The following SPATA6 variants were observed in gnomAD, a reference collection of about 807,000 sequenced individuals.
SPATA6 encodes spermatogenesis associated 6, also known as spermatogenesis-associated protein 6.
SPATA6 carries 56 observed loss-of-function variants against 65.3 expected under a neutral mutation model. The ratio of observed to expected loss-of-function variants is 0.86; its 90% CI spans 0.69 to 1.07. The LOEUF (loss-of-function observed/expected upper bound fraction) is 1.07, where lower values mean the gene tolerates loss of function less well. Ranked by LOEUF, SPATA6 falls within the 50% of genes least tolerant of loss-of-function variation. The pLI is 0.00. For synonymous variants in SPATA6, 199 were observed against 213.2 expected, an observed-to-expected ratio of 0.93 and a Z score of 0.58; for missense variants, 590 against 594.8, an observed-to-expected ratio of 0.99 and a Z score of 0.08.
At chr1:48,359,970 A>G (rs1417390968) in intron 9 of SPATA6, among the ~76,000 whole-genome samples, 200 bp from the exon 10 acceptor site, 1 of 152,172 alleles carries the variant, frequency 6.6e-6, no homozygotes, top group Non-Finnish European at 1.5e-5. Flanking sequence ...ATTAAATATT[A>G]AATGTATCAA....
At chr1:48,355,110 CT>C (rs1646621826) in intron 11 of SPATA6, among the ~76,000 whole-genome samples, 1 of 152,038 alleles carries the variant, frequency 6.6e-6, no homozygotes, top group South Asian at 2.1e-4. Context: ...TAAAAAAGTA[CT>C]GTCATTATTT....
intron 11 of SPATA6, among the ~76,000 whole-genome samples, chr1:48,336,965 T>C (rs1466172198): frequency 6.6e-6 from 1 of 151,896 alleles, no homozygotes. Context: ...CCCACAAAAA[T>C]AGGCTTGTTC....
At position 48,301,337 on chromosome 1, in the gene SPATA6, A is replaced by AT. The variant is rs557967045; in HGVS notation, c.1287-2445dup. Among the ~76,000 whole-genome samples the AT allele has an allele frequency of 1.4e-3, 211 of 152,142 alleles. 1 individual carries two copies. The highest frequency in any genetic ancestry group is 4.8e-3 in the African/African-American group (201 of 41,556). On this transcript the variant is annotated intron_variant, in intron 12 of 12. Transcript: ENST00000371847. ...GTGAAAGACTGCTATGACAAAAACT[A>AT]TAAAACACTGATGAAAGAAACTGGA...
At chr1:48,410,352 A>G (rs1652099549) in intron 5 of SPATA6, among the ~76,000 whole-genome samples, 1 of 152,178 alleles carries the variant, frequency 6.6e-6, no homozygotes, top group African/African-American at 2.4e-5. Flanking sequence ...CTATATCACT[A>G]ACAGCATTAT....
chr1:48,436,577 C>T (rs1654957367), intron 3 of SPATA6: 2 of 1,612,854 alleles, frequency 1.2e-6, no homozygotes, highest in African/African-American at 2.7e-5. Context: ...TCTGGCCTGT[C>T]CCATCTGCAT....
chr1:48,311,117 AAAG>A (rs1281938364), intron 11 of SPATA6, among the ~76,000 whole-genome samples: 2 of 152,144 alleles, frequency 1.3e-5, no homozygotes, highest in South Asian at 2.1e-4. Flanking sequence ...CTACATGAAA[AAAG>A]AAGACCTCAA....
At chr1:48,312,709 C>T (rs553818270) in intron 11 of SPATA6, among the ~76,000 whole-genome samples, 28 of 151,922 alleles carry the variant, frequency 1.8e-4, no homozygotes, top group African/African-American at 5.5e-4. Flanking sequence ...ATGAATTTGA[C>T]GAGTTGAGAG....
intron 7 of SPATA6, among the ~76,000 whole-genome samples, chr1:48,396,139 A>G (rs1187942731): frequency 2.0e-5 from 3 of 151,838 alleles, no homozygotes; most frequent in African/African-American, 7.2e-5. Context: ...GGAGACAGAA[A>G]TCAAAATCAT....
intron 3 of SPATA6, among the ~76,000 whole-genome samples, chr1:48,426,855 A>G (rs542717682): frequency 6.6e-6 from 1 of 152,260 alleles, no homozygotes; most frequent in Non-Finnish European, 1.5e-5. Context: ...ACATTAATCA[A>G]AATTAGAAAA....
At chr1:48,273,266 T>A in the SPATA6 span, among the ~76,000 whole-genome samples, 1 of 152,288 alleles carries the variant, frequency 6.6e-6, no homozygotes. Context: ...AGTCAATCCA[T>A]TTTGAGTTGA....
chr1:48,329,292 G>A (rs1270452405), intron 11 of SPATA6, among the ~76,000 whole-genome samples: 4 of 152,034 alleles, frequency 2.6e-5, no homozygotes, highest in Non-Finnish European at 5.9e-5. Flanking sequence ...TGGCGTAGAG[G>A]GAAAATTACA....
At chr1:48,359,217 A>G (rs2148815912) in intron 10 of SPATA6, among the ~76,000 whole-genome samples, 1 of 152,306 alleles carries the variant, frequency 6.6e-6, no homozygotes, top group Non-Finnish European at 1.5e-5. Context: ...ATATATAGAT[A>G]GCCATTATGA....
chr1:48,368,228 A>G (rs140381746), intron 9 of SPATA6, among the ~76,000 whole-genome samples: 157 of 152,034 alleles, frequency 1.0e-3, no homozygotes, highest in African/African-American at 3.7e-3. Flanking sequence ...TGCCCTTAAC[A>G]TTTTGCCTTC....
At chr1:48,360,062 C>T (rs1646767645) in intron 9 of SPATA6, among the ~76,000 whole-genome samples, 1 of 152,074 alleles carries the variant, frequency 6.6e-6, no homozygotes, top group Non-Finnish European at 1.5e-5. Context: ...ATGTGTGTAT[C>T]TAAAACAAAG....
intron 11 of SPATA6, among the ~76,000 whole-genome samples, chr1:48,326,821 C>G (rs1645775822): frequency 6.6e-6 from 1 of 152,018 alleles, no homozygotes; most frequent in African/African-American, 2.4e-5. Flanking sequence ...AAACTCGGAC[C>G]CTTATCTCTC....
chr1:48,409,266 T>G (rs1651990518), intron 5 of SPATA6, among the ~76,000 whole-genome samples: 1 of 152,208 alleles, frequency 6.6e-6, no homozygotes. Flanking sequence ...CAATCAAATC[T>G]TAAAGCTCCA....
the SPATA6 span, among the ~76,000 whole-genome samples, chr1:48,289,701 A>C: frequency 6.6e-6 from 1 of 152,250 alleles, no homozygotes; most frequent in African/African-American, 2.4e-5. Context: ...TACTTGATGC[A>C]TGCACAAGCT....
At chr1:48,326,205 A>G (rs928055734) in intron 11 of SPATA6, 9 of 152,412 alleles carry the variant, frequency 5.9e-5, no homozygotes, top group Non-Finnish European at 1.2e-4. Context: ...TTACATTTCT[A>G]TTAACCAGTA....
chr1:48,387,444 C>T (rs1017199495), intron 8 of SPATA6, among the ~76,000 whole-genome samples: 2 of 152,188 alleles, frequency 1.3e-5, no homozygotes, highest in Non-Finnish European at 2.9e-5. Flanking sequence ...GGCTGAGGTA[C>T]GAGTGGTATA....
Sources: allele counts gnomAD v4.1 joint callset (sites outside exome capture counted in the v4.1 genomes callset), GRCh38; gene constraint gnomAD v4.1.1; transcripts MANE v1.5; gene names NCBI Gene and HGNC (gene_info 2026-07-23, HGNC 2026-07-21).